The following TRPV2 variants were observed in gnomAD, a reference collection of about 807,000 sequenced individuals.
TRPV2 encodes the protein transient receptor potential cation channel subfamily V member 2, also known as OTRPC2.
TRPV2 carries 58 observed loss-of-function variants against 91.0 expected under a neutral mutation model. The observed-to-expected ratio is 0.64, with a 90% CI of 0.52 to 0.79. The LOEUF (loss-of-function observed/expected upper bound fraction) is 0.79, where lower values mean the gene tolerates loss of function less well. TRPV2 is among the 30% of genes least tolerant of loss of function. The pLI is 0.00. For missense variants in TRPV2, 807 were observed against 969.6 expected, an observed-to-expected ratio of 0.83 and a Z score of 2.23; for synonymous variants, 417 against 414.8, an observed-to-expected ratio of 1.01 and a Z score of -0.06.
chr17:16,425,964 T>G, intron 5 of TRPV2, 135 bp from the exon 6 acceptor site: 2 of 883,660 alleles, frequency 2.3e-6, no homozygotes, highest in Non-Finnish European at 3.6e-6. Flanking sequence ...CCTGCGTGTA[T>G]GGGGGTACGT....
chr17:16,431,277 ATATATATATACATATTT>A (rs2093409410), intron 10 of TRPV2, among the ~76,000 whole-genome samples: 1 of 75,748 alleles, frequency 1.3e-5, no homozygotes, highest in African/African-American at 5.9e-5. Flanking sequence ...ATATATATAT[ATATATATATACATATTT>A]TTTTTTTTTT....
intron 10 of TRPV2, 146 bp downstream of exon 10, chr17:16,429,128 T>C (rs2093398511): frequency 2.2e-6 from 2 of 901,140 alleles, no homozygotes; most frequent in Non-Finnish European, 3.3e-6. Context: ...GAAGCTTAAG[T>C]ACAGGCCTGC....
At chr17:16,428,524 C>A in intron 9 of TRPV2, 137 bp downstream of exon 9, 1 of 970,284 alleles carries the variant, frequency 1.0e-6, no homozygotes, top group East Asian at 2.4e-5. Context: ...CAGGCCAGTC[C>A]CAGGAGTCTG....
At position 16,422,687 on chromosome 17, in the gene TRPV2, C is replaced by G; in HGVS notation, c.423C>G (p.Ile141Met). The change falls in exon 4 of 15, where the codon ATC (isoleucine) becomes ATG (methionine). Residue 141 changes from isoleucine (I) to methionine (M), a missense_variant. Coordinates refer to ENST00000338560, the MANE Select transcript of TRPV2 (RefSeq NM_016113.5). Reference sequence around the variant, plus strand: ...CCTGCATTCTGCCACTGCTGCAGATCGACAGGGACTCTGGCAATCCTCAGC... The same window carrying G: ...CCTGCATTCTGCCACTGCTGCAGATGGACAGGGACTCTGGCAATCCTCAGC... ...VNACILPLLQ[I>M]DRDSGNPQPL... 1 of 1,612,712 alleles carries G rather than the reference C, an allele frequency of 6.2e-7. No individual in the cohort carries two copies.
At chr17:16,423,364 G>A in intron 4 of TRPV2, 105 bp from the exon 5 acceptor site, 17 of 1,326,798 alleles carry the variant, frequency 1.3e-5, no homozygotes, top group Non-Finnish European at 1.5e-5. Flanking sequence ...TGGTAAAGAA[G>A]CCTGACCTGT....
chr17:16,430,012 C>G (rs889481925), intron 10 of TRPV2, among the ~76,000 whole-genome samples: 1 of 151,504 alleles, frequency 6.6e-6, no homozygotes, highest in African/African-American at 2.4e-5. Flanking sequence ...TTGCAGGCAC[C>G]CACCACCATG....
intron 9 of TRPV2, 73 bp downstream of exon 9, chr17:16,428,460 C>A (rs968378359): frequency 2.6e-6 from 4 of 1,528,022 alleles, no homozygotes; most frequent in Non-Finnish European, 3.6e-6. Context: ...GCAGAAGGCA[C>A]CAGGTTGGCT....
Position 16,426,339 on chromosome 17 carries a change from G to A in TRPV2, c.1095+70G>A. The A allele has an allele frequency of 6.4e-7, 1 of 1,563,702 alleles. No homozygotes were observed. Among genetic ancestry groups the A allele is most frequent in the Non-Finnish European group, 8.7e-7 (1 of 1,149,714 alleles). ...TTTCCAGCAAGGTCCACAAATTGGGGCTGCCTGCTGGACCATATCTGCCCC... is the reference window on the plus strand; with the variant it reads ...TTTCCAGCAAGGTCCACAAATTGGGACTGCCTGCTGGACCATATCTGCCCC... On this transcript the variant is annotated intron_variant, in intron 6 of 14. Coordinates refer to ENST00000338560, the MANE Select transcript of TRPV2 (RefSeq NM_016113.5). This position sits in a 1 kb window ranked among gnomAD's most constrained non-coding sequence, Gnocchi z 6.0.
At chr17:16,431,287 ACATATTTTTTTT>A (rs1212371985) in intron 10 of TRPV2, among the ~76,000 whole-genome samples, 22 of 25,436 alleles carry the variant, frequency 8.6e-4, no homozygotes, top group African/African-American at 1.3e-3. Flanking sequence ...ATATATATAT[ACATATTTTTTTT>A]TTTTTTTTTT....
rs566332850 is a variant in TRPV2, at chr17:16,420,067, G to T, written c.201-48G>T. 2.4e-5 allele frequency: 38 copies of T among 1,591,344 alleles called. No homozygotes were observed. The South Asian group carries it at 4.0e-4, about 17-fold the overall frequency. ...CCCTGGGATGGAGGGCTTTTGGGGG[G>T]GCCTGTGGTTCTTCTCCAGCATGAG... On this transcript the variant is annotated intron_variant, in intron 2 of 14. Coordinates refer to ENST00000338560, the MANE Select transcript of TRPV2 (RefSeq NM_016113.5).
At chr17:16,434,803 C>T (rs756853147) in intron 13 of TRPV2, 87 bp from the exon 14 acceptor site, 104 of 1,317,992 alleles carry the variant, frequency 7.9e-5, no homozygotes, top group Non-Finnish European at 1.1e-4. Flanking sequence ...TGCATAGTCT[C>T]CCAATTTGGG....
chr17:16,433,649 A>C lies in TRPV2; in HGVS notation c.2065A>C (p.Thr689Pro). Residue 689 changes from threonine to proline, a missense_variant, in exon 13 of 15, where the codon ACC becomes CCC. Physicochemically the swap from Thr to Pro is conservative, Grantham distance 38. Transcript: ENST00000338560. ...RKKQRAGVML[T>P]VGTKPDGSPD... ...GAAGCAGCGGGCAGGTGTGATGCTG[A>C]CCGTTGGCACTAAGCCAGATGGCAG... 6.2e-7 allele frequency: 1 copy of C among 1,614,168 alleles called. No individual in the cohort carries two copies. The highest frequency in any genetic ancestry group is 8.5e-7 in the Non-Finnish European group (1 of 1,180,014).
At chr17:16,422,573 C>T (rs1164017198) in intron 3 of TRPV2, 26 bp from the exon 4 acceptor site, 5 of 1,601,352 alleles carry the variant, frequency 3.1e-6, no homozygotes, top group African/African-American at 1.3e-5. Flanking sequence ...CACCACTGTG[C>T]CCCTTCCCCT....
At chr17:16,428,458 C>T in intron 9 of TRPV2, 71 bp downstream of exon 9, 1 of 1,536,844 alleles carries the variant, frequency 6.5e-7, no homozygotes, top group Non-Finnish European at 9.0e-7. Context: ...TGGCAGAAGG[C>T]ACCAGGTTGG....
At chr17:16,434,626 T>C in intron 13 of TRPV2, 3 of 442,012 alleles carry the variant, frequency 6.8e-6, no homozygotes, top group Non-Finnish European at 1.2e-5. Flanking sequence ...TCCTCTTCTC[T>C]GGTTGTTCTG....
At position 16,417,652 on chromosome 17, in the gene TRPV2, A is replaced by G. The variant is rs1207310772; in HGVS notation, c.-17A>G. The G allele has an allele frequency of 6.2e-7, 1 of 1,613,320 alleles. No homozygotes were observed. Among genetic ancestry groups the G allele is most frequent in the Non-Finnish European group, 8.5e-7 (1 of 1,179,574 alleles). On this transcript the variant is annotated 5_prime_UTR_variant, in exon 2 of 15. Transcript: ENST00000338560. ...CACAGAGGTCCTGGCTGGACCGAGC[A>G]GCCTCCTCCTCCTAGGATGACCTCA...
In TRPV2 at chr17:16,422,739, G is replaced by A. The variant is rs368460322; in HGVS notation, c.475G>A (p.Asp159Asn). 1.5e-4 allele frequency: 234 copies of A among 1,591,588 alleles called. No homozygotes were observed. Among genetic ancestry groups the A allele is most frequent in the Non-Finnish European group, 1.9e-4 (218 of 1,168,058 alleles). ...CCTGGTAAATGCCCAGTGCACAGAT[G>A]ACTATTACCGAGGCCACAGCGCTCT... The part of the protein sequence containing the change: ...QPLVNAQCTD[D>N]YYRGHSALHI... Residue 159 changes from aspartate (D) to asparagine (N), a missense_variant, in exon 4 of 15, where the codon GAC becomes AAC. Asp to Asn is a conservative substitution (Grantham distance 23, BLOSUM62 1). Coordinates refer to ENST00000338560, the MANE Select transcript of TRPV2 (RefSeq NM_016113.5).
rs758323970 is a variant in TRPV2 at position 16,417,712 on chromosome 17, T to C, written c.44T>C (p.Leu15Ser). The change falls in exon 2 of 15, where the codon TTA (leucine) becomes TCA (serine). Residue 15 changes from leucine to serine, a missense_variant. By Grantham distance (145) the Leu-to-Ser change is moderately radical. Coordinates refer to ENST00000338560, the MANE Select transcript of TRPV2 (RefSeq NM_016113.5). The part of the protein sequence containing the change: ...SSSPVFRLET[L>S]DGGQEDGSEA... Reference sequence around the variant, plus strand: ...TCTCCAGTTTTCAGGTTGGAGACATTAGATGGAGGCCAAGAAGATGGCTCT... The same window carrying C: ...TCTCCAGTTTTCAGGTTGGAGACATCAGATGGAGGCCAAGAAGATGGCTCT... 4 of 1,614,112 alleles carry C rather than the reference T, an allele frequency of 2.5e-6. No individual in the cohort carries two copies. Among genetic ancestry groups the C allele is most frequent in the Non-Finnish European group, 3.4e-6 (4 of 1,180,012 alleles).
In TRPV2 at chr17:16,431,774, T is replaced by C; in HGVS notation, c.1588-10T>C. 6.2e-7 allele frequency: 1 copy of C among 1,613,882 alleles called. No homozygotes were observed. Among genetic ancestry groups the C allele is most frequent in the Non-Finnish European group, 8.5e-7 (1 of 1,179,892 alleles). ...CTACCCACCCTGGCCCCTGGGCACA[T>C]GTGTTCCAGGTCATCCTGCGGGACC... On this transcript the variant is annotated splice_polypyrimidine_tract_variant and intron_variant, in intron 10 of 14. Transcript: ENST00000338560.
Sources: gnomAD v4.1 joint callset for allele counts (sites outside exome capture counted in the v4.1 genomes callset) on GRCh38, gnomAD v4.1.1 for gene constraint, Gnocchi (gnomAD v3.1) non-coding constraint, MANE v1.5 for transcripts, NCBI Gene and HGNC (gene_info 2026-07-23, HGNC 2026-07-21) for gene names.